Variants in GNAS observed in about 807,000 individuals in gnomAD.
GNAS encodes GNAS complex locus.
A neutral mutation model predicts 54.5 loss-of-function variants in GNAS; 8 were observed. That is an observed-to-expected ratio of 0.15 (90% CI 0.09 to 0.26). The LOEUF is 0.26. Among genes scored for constraint, GNAS ranks in the 10% least tolerant of loss-of-function variants. The pLI is 1.00. For synonymous variants in GNAS, 204 were observed against 191.4 expected (o/e 1.07, Z -0.54); for missense variants, 170 against 529.8 (o/e 0.32, Z 6.67).
chr20:58,897,024 T>C (rs1042812428), intron 2 of GNAS, among the ~76,000 whole-genome samples: 4 of 152,214 alleles, frequency 2.6e-5, no homozygotes, highest in Non-Finnish European at 5.9e-5. Flanking sequence ...AATAATTGTT[T>C]AGAGAAGGAT....
chr20:58,844,634 A>C (rs1167166360), intron 1 of GNAS, among the ~76,000 whole-genome samples: 1 of 152,154 alleles, frequency 6.6e-6, no homozygotes, highest in Non-Finnish European at 1.5e-5. Context: ...AAATGTCTAG[A>C]TTGATTAGCT....
chr20:58,868,941 C>G (rs549086990), intron 1 of GNAS, among the ~76,000 whole-genome samples: 11 of 152,350 alleles, frequency 7.2e-5, no homozygotes, highest in Admixed American at 5.9e-4. Context: ...AAAATTCACC[C>G]TTGCGCCGGC....
intron 1 of GNAS, chr20:58,892,185 G>A: frequency 1.0e-6 from 1 of 973,830 alleles, no homozygotes; most frequent in African/African-American, 1.8e-5. Context: ...TTTTCCGCGA[G>A]GCCTACACGA....
intron 1 of GNAS, among the ~76,000 whole-genome samples, chr20:58,871,215 C>T (rs2087423713): frequency 6.6e-6 from 1 of 152,140 alleles, no homozygotes; most frequent in South Asian, 2.1e-4. Context: ...TTGTGAACGA[C>T]TCAGAAATTA....
rs1020555857 is a variant in GNAS at position 58,873,398 on chromosome 20, T to C, written c.44-22214T>C. Among the ~76,000 whole-genome samples, 1 of 152,192 alleles carries C rather than the reference T, an allele frequency of 6.6e-6. No homozygotes were observed. Among genetic ancestry groups the C allele is most frequent in the Non-Finnish European group, 1.5e-5 (1 of 68,038 alleles). ...GTGAAAACAGTTGTCACAAATTAAT[T>C]TTTCAAATGTTTGACTATTGGCAGG... On this transcript the variant is annotated intron_variant, in intron 1 of 12. Transcript: ENST00000306090. The surrounding 1 kb of genome is among the most constrained non-coding windows in gnomAD (Gnocchi z 4.3).
At chr20:58,847,970 G>A (rs553879060) in intron 1 of GNAS, among the ~76,000 whole-genome samples, 77 of 152,342 alleles carry the variant, frequency 5.1e-4, no homozygotes, top group Middle Eastern at 3.4e-3. Context: ...AGGGCATCAC[G>A]TGCGGCTTCC....
upstream of GNAS, chr20:58,840,442 G>C: frequency 6.2e-7 from 1 of 1,613,518 alleles, no homozygotes; most frequent in Non-Finnish European, 8.5e-7. This position sits in a 1 kb window ranked among gnomAD's most constrained non-coding sequence, Gnocchi z 6.0. Context: ...ACGAGACCGA[G>C]AGCGAGACCG....
upstream of GNAS, among the ~76,000 whole-genome samples, chr20:58,891,087 C>T (rs920973308): frequency 1.3e-5 from 2 of 149,662 alleles, no homozygotes; most frequent in Non-Finnish European, 3.0e-5. Flanking sequence ...GGAGACGCCC[C>T]CTCTCCCCCC....
chr20:58,841,646 C>T lies in GNAS; in HGVS notation c.43+760C>T. On this transcript the variant is annotated intron_variant, in intron 1 of 12. Transcript: ENST00000306090. This position sits in a 1 kb window ranked among gnomAD's most constrained non-coding sequence, Gnocchi z 5.0. ...CGCCGGAGCTGACCTCTCCCGGCGG[C>T]GGGCGGTTAGGGGAAAGTACCTGGG... 1 of 1,109,252 alleles carries T rather than the reference C, an allele frequency of 9.0e-7. No homozygotes were observed. The highest frequency in any genetic ancestry group is 1.1e-6 in the Non-Finnish European group (1 of 909,914). The allele number at this position is 1,109,252 out of a possible 1,614,324, so 68.7% of individuals were successfully genotyped here.
rs529416846 is a variant in GNAS at position 58,893,714 on chromosome 20, C to A, written c.139+1849C>A. On this transcript the variant is annotated intron_variant, in intron 1 of 12. Transcript: ENST00000371085. ...TAAAACTTTTAAAGGCAGAATTATG[C>A]TGTTGGGATATTAGTATGCGTATAA... 2.2e-4 allele frequency among the ~76,000 whole-genome samples: 33 copies of A among 152,336 alleles called. No homozygotes were observed. In the East Asian group the frequency reaches 4.6e-3, roughly 21 times the overall value.
intron 1 of GNAS, among the ~76,000 whole-genome samples, chr20:58,892,877 C>T: frequency 1.7e-5 from 2 of 119,744 alleles, no homozygotes; most frequent in Non-Finnish European, 1.7e-5. Flanking sequence ...GCTGCCCCCC[C>T]CACCCACCAC....
At chr20:58,882,478 T>G (rs1037021134) in intron 1 of GNAS, among the ~76,000 whole-genome samples, 3 of 152,232 alleles carry the variant, frequency 2.0e-5, no homozygotes, top group Non-Finnish European at 2.9e-5. Context: ...GGCTCCAGAA[T>G]CCTCACCAGT....
At chr20:58,904,687 G>A (rs147017487) in intron 5 of GNAS, among the ~76,000 whole-genome samples, 1 of 152,296 alleles carries the variant, frequency 6.6e-6, no homozygotes, top group African/African-American at 2.4e-5. Context: ...GGACTTGGCT[G>A]CAAACTTAAA....
intron 1 of GNAS, among the ~76,000 whole-genome samples, chr20:58,862,171 T>C (rs2086816274): frequency 6.6e-6 from 1 of 152,014 alleles, no homozygotes; most frequent in Admixed American, 6.6e-5. Context: ...TGTTTTTTGT[T>C]TTTTGAGACA....
chr20:58,860,800 A>G (rs775582707), intron 1 of GNAS, among the ~76,000 whole-genome samples: 1 of 152,130 alleles, frequency 6.6e-6, no homozygotes, highest in Non-Finnish European at 1.5e-5. Flanking sequence ...AGCTGGGATT[A>G]CAGACATGCA....
chr20:58,846,180 G>A (rs141989819), intron 1 of GNAS, among the ~76,000 whole-genome samples: 1 of 152,260 alleles, frequency 6.6e-6, no homozygotes, highest in Admixed American at 6.5e-5. Flanking sequence ...TTAGAAATGG[G>A]GAAGGGGGTC....
intron 1 of GNAS, among the ~76,000 whole-genome samples, chr20:58,869,078 G>A (rs768060112): frequency 2.0e-5 from 3 of 152,102 alleles, no homozygotes; most frequent in African/African-American, 4.8e-5. Context: ...GACAAATCCC[G>A]GCAACTTTTA....
At chr20:58,893,409 TGGCTATCTGAATAAATTTGTGAA>T (rs2089718588) in intron 1 of GNAS, among the ~76,000 whole-genome samples, 2 of 152,234 alleles carry the variant, frequency 1.3e-5, no homozygotes, top group Non-Finnish European at 2.9e-5. Context: ...CTTGATAATT[TGGCTATCTGAATAAATTTGTGAA>T]TTTGCTAGGT....
chr20:58,855,424 C>A, intron 1 of GNAS: 1 of 1,146,976 alleles, frequency 8.7e-7, no homozygotes, highest in Non-Finnish European at 1.3e-6. Flanking sequence ...AGGGGCTCCG[C>A]AGTGGGAGGA....
Sources: gnomAD v4.1 joint callset for allele counts (sites outside exome capture counted in the v4.1 genomes callset) on GRCh38, gnomAD v4.1.1 for gene constraint, Gnocchi (gnomAD v3.1) non-coding constraint, MANE v1.5 for transcripts, NCBI Gene and HGNC (gene_info 2026-07-23, HGNC 2026-07-21) for gene names.